Variants in MAN1A2 observed in about 807,000 individuals in gnomAD.
MAN1A2 encodes mannosidase alpha class 1A member 2, also known as mannosyl-oligosaccharide 1,2-alpha-mannosidase IB.
Under a neutral mutation model 75.7 loss-of-function variants are expected in MAN1A2, and 26 were observed. The ratio of observed to expected loss-of-function variants is 0.34; its 90% CI spans 0.25 to 0.48. The LOEUF (loss-of-function observed/expected upper bound fraction) is 0.48. Among genes scored for constraint, MAN1A2 ranks in the 20% least tolerant of loss-of-function variants. The pLI is 0.99. For missense variants in MAN1A2, 562 were observed against 775.5 expected, an observed-to-expected ratio of 0.72 and a Z score of 3.27; for synonymous variants, 247 against 264.6, an observed-to-expected ratio of 0.93 and a Z score of 0.65.
At chr1:117,395,611 C>G (rs1016710254) in intron 1 of MAN1A2, among the ~76,000 whole-genome samples, 8 of 152,054 alleles carry the variant, frequency 5.3e-5, no homozygotes, top group African/African-American at 1.9e-4. Context: ...AAACAACAAA[C>G]AAAACCTTAT....
At chr1:117,372,011 T>C (rs1652979964) in intron 1 of MAN1A2, among the ~76,000 whole-genome samples, 1 of 152,164 alleles carries the variant, frequency 6.6e-6, no homozygotes, top group Non-Finnish European at 1.5e-5. Flanking sequence ...GTTTGCAAAT[T>C]CTAGTCAGGA....
intron 5 of MAN1A2, among the ~76,000 whole-genome samples, chr1:117,421,534 G>A (rs183543392): frequency 2.7e-5 from 4 of 150,580 alleles, no homozygotes; most frequent in East Asian, 1.9e-4. Context: ...TCCCATTTTC[G>A]TATGGATTTT....
At chr1:117,383,208 C>T (rs1377098643) in intron 1 of MAN1A2, among the ~76,000 whole-genome samples, 1 of 152,100 alleles carries the variant, frequency 6.6e-6, no homozygotes, top group African/African-American at 2.4e-5. Flanking sequence ...AAATTCTCTT[C>T]TATTTTTAGT....
At chr1:117,460,236 G>T (rs1439353957) in intron 6 of MAN1A2, among the ~76,000 whole-genome samples, 1 of 152,164 alleles carries the variant, frequency 6.6e-6, no homozygotes, top group Non-Finnish European at 1.5e-5. Flanking sequence ...GTGATTTTCT[G>T]TGGAGCCTGA....
rs1651988606 is a variant in MAN1A2 at position 117,525,506 on chromosome 1, G to T, written c.*2549G>T. The T allele has an allele frequency of 6.3e-6, 1 of 159,470 alleles. No individual in the cohort carries two copies. Among genetic ancestry groups the T allele is most frequent in the South Asian group, 1.8e-4 (1 of 5,638 alleles). The allele number at this position is 159,470 out of a possible 1,614,324, so 9.9% of individuals were successfully genotyped here. A position where few individuals can be genotyped will look rare whatever the true frequency, so the allele number is the denominator to read the frequency against. ...GCATTTTGTAGACCTTAATACTCAG[G>T]TTAAATATTCATTGCATTTATAAGA... is the stretch of plus-strand genomic sequence containing the variant. On this transcript the variant is annotated 3_prime_UTR_variant, in exon 13 of 13. Transcript: ENST00000356554.
At chr1:117,471,710 A>G (rs1220473184) in intron 8 of MAN1A2, among the ~76,000 whole-genome samples, 1 of 151,808 alleles carries the variant, frequency 6.6e-6, no homozygotes, top group Non-Finnish European at 1.5e-5. Context: ...AAGAAAATGT[A>G]AATTCTCTGT....
rs747716607 is a variant in MAN1A2, at chr1:117,525,123, C to T, written c.*2166C>T. ...AAGGGATGAGGAGACAGAACCCCTA[C>T]TTCCAAGTGCTCTATTTGTATTACC... On this transcript the variant is annotated 3_prime_UTR_variant, in exon 13 of 13. Transcript: ENST00000356554. The T allele has an allele frequency of 3.8e-6, 2 of 529,180 alleles. No individual in the cohort carries two copies. Among genetic ancestry groups the T allele is most frequent in the Admixed American group, 2.0e-5 (1 of 51,012 alleles). 32.8% of individuals were successfully genotyped at this position (529,180 alleles called of 1,614,324 possible).
intron 1 of MAN1A2, among the ~76,000 whole-genome samples, chr1:117,375,204 G>A (rs1653097285): frequency 6.6e-6 from 1 of 152,114 alleles, no homozygotes; most frequent in African/African-American, 2.4e-5. Context: ...TGAGGCCTCA[G>A]ACCCTTTGAA....
At chr1:117,405,846 A>G (rs1307101212) in intron 3 of MAN1A2, among the ~76,000 whole-genome samples, 5 of 152,064 alleles carry the variant, frequency 3.3e-5, no homozygotes, top group Admixed American at 3.3e-4. Flanking sequence ...TAGATTTTCT[A>G]TTTACATATG....
chr1:117,494,427 C>T (rs1650978259), intron 9 of MAN1A2: 1 of 151,988 alleles, frequency 6.6e-6, no homozygotes, highest in Non-Finnish European at 1.5e-5. Context: ...TATATAACAA[C>T]TCTGCTGATG....
At position 117,483,448 on chromosome 1, in the gene MAN1A2, C is replaced by T. The variant is rs532809936; in HGVS notation, c.1169-9699C>T. 2.8e-4 allele frequency among the ~76,000 whole-genome samples: 43 copies of T among 152,130 alleles called. 1 individual carries two copies. The South Asian group carries it at 8.3e-3, about 29-fold the overall frequency. On this transcript the variant is annotated intron_variant, in intron 8 of 12. Coordinates refer to ENST00000356554, the MANE Select transcript of MAN1A2 (RefSeq NM_006699.5). ...GGTTTGTAGTTCCCCTTGAAGAGGT[C>T]CTTCACATCCCTTGTAAGTTGGATT...
chr1:117,428,595 G>A (rs145760616), intron 5 of MAN1A2, among the ~76,000 whole-genome samples: 3 of 151,240 alleles, frequency 2.0e-5, no homozygotes, highest in African/African-American at 7.3e-5. Flanking sequence ...TAGTTAAAAC[G>A]ACATAAAAGC....
intron 5 of MAN1A2, among the ~76,000 whole-genome samples, chr1:117,429,536 C>A (rs1401254636): frequency 2.8e-5 from 2 of 72,090 alleles, no homozygotes; most frequent in Admixed American, 1.2e-4. Flanking sequence ...GGGGGGCCGA[C>A]CCCCCCACCT....
intron 5 of MAN1A2, among the ~76,000 whole-genome samples, chr1:117,437,456 C>CA (rs1366380517): frequency 1.3e-5 from 2 of 152,010 alleles, no homozygotes; most frequent in African/African-American, 4.8e-5. Flanking sequence ...AGATAAAAGA[C>CA]AAAGAGGTAT....
chr1:117,420,109 CCTT>C (rs1648137996), intron 4 of MAN1A2, among the ~76,000 whole-genome samples: 1 of 151,918 alleles, frequency 6.6e-6, no homozygotes. Flanking sequence ...TTTGGTGCCT[CCTT>C]TAACACTTAT....
chr1:117,430,794 T>C, intron 5 of MAN1A2, among the ~76,000 whole-genome samples: 1 of 55,118 alleles, frequency 1.8e-5, no homozygotes, highest in East Asian at 4.9e-4. Context: ...CACTCCTCAC[T>C]TCCCAGACGG....
intron 6 of MAN1A2, among the ~76,000 whole-genome samples, chr1:117,460,110 G>A (rs1649769500): frequency 1.3e-5 from 2 of 151,508 alleles, no homozygotes; most frequent in Admixed American, 1.3e-4. Context: ...AACTGATATG[G>A]AAAGACCACC....
Position 117,499,375 on chromosome 1 carries a change from G to A in MAN1A2, c.1505-7G>A. 6.5e-7 allele frequency: 1 copy of A among 1,550,310 alleles called. No individual in the cohort carries two copies. The highest frequency in any genetic ancestry group is 8.7e-7 in the Non-Finnish European group (1 of 1,150,778). ...TTTGCTCAGTTATTTCTTTTGTCAT[G>A]TTACAGCATTAAAGCTAGGTCCTGA... On this transcript the variant is annotated splice_polypyrimidine_tract_variant and splice_region_variant and intron_variant, in intron 10 of 12. Transcript: ENST00000356554.
At chr1:117,388,736 T>TTTAGTG (rs1442304108) in intron 1 of MAN1A2, among the ~76,000 whole-genome samples, 4 of 152,166 alleles carry the variant, frequency 2.6e-5, no homozygotes, top group African/African-American at 9.7e-5. Context: ...AGTGGGGTCA[T>TTTAGTG]ATATTAAACT....
Sources: gnomAD v4.1 joint callset for allele counts (sites outside exome capture counted in the v4.1 genomes callset) on GRCh38, gnomAD v4.1.1 for gene constraint, MANE v1.5 for transcripts, NCBI Gene and HGNC (gene_info 2026-07-23, HGNC 2026-07-21) for gene names.